The following DIPK1A variants were observed in gnomAD, a reference collection of about 807,000 sequenced individuals.
DIPK1A encodes the protein divergent protein kinase domain 1A, also known as family with sequence similarity 69 member A.
A neutral mutation model predicts 40.8 loss-of-function variants in DIPK1A; 27 were observed. That is an observed-to-expected ratio of 0.66 (90% CI 0.49 to 0.91). The LOEUF is 0.91. Ranked by LOEUF, DIPK1A falls within the 40% of genes least tolerant of loss-of-function variation. DIPK1A has a pLI of 0.00. For synonymous variants in DIPK1A, 166 were observed against 171.3 expected, an observed-to-expected ratio of 0.97 and a Z score of 0.24; for missense variants, 412 against 505.7, an observed-to-expected ratio of 0.81 and a Z score of 1.78.
intron 1 of DIPK1A, among the ~76,000 whole-genome samples, chr1:92,924,411 C>A (rs1487676051): frequency 2.0e-5 from 3 of 151,888 alleles, no homozygotes; most frequent in Non-Finnish European, 4.4e-5. Context: ...GTGTAGCACC[C>A]AATTCTGTCG....
intron 1 of DIPK1A, among the ~76,000 whole-genome samples, chr1:92,894,957 G>A (rs922643489): frequency 6.6e-6 from 1 of 152,042 alleles, no homozygotes; most frequent in African/African-American, 2.4e-5. Flanking sequence ...AAACCAGAAA[G>A]AAGTTGAATC....
intron 1 of DIPK1A, among the ~76,000 whole-genome samples, chr1:92,952,941 T>C (rs2100914155): frequency 6.6e-6 from 1 of 152,286 alleles, no homozygotes; most frequent in South Asian, 2.1e-4. Flanking sequence ...GATACTATGC[T>C]ACATCTGAAA....
chr1:92,916,522 G>A (rs12121942), intron 1 of DIPK1A, among the ~76,000 whole-genome samples: 3 of 152,048 alleles, frequency 2.0e-5, no homozygotes, highest in South Asian at 2.1e-4. Flanking sequence ...GGCTGGTCTC[G>A]AACTCCTGAC....
chr1:92,911,440 C>T (rs992443235), intron 1 of DIPK1A, among the ~76,000 whole-genome samples: 2 of 152,036 alleles, frequency 1.3e-5, no homozygotes, highest in African/African-American at 4.8e-5. Context: ...TTATATGAGC[C>T]GCCCAATTTA....
Position 92,882,186 on chromosome 1 carries a change from G to C in DIPK1A, c.55-5756C>G, listed in dbSNP as rs147096364. Among the ~76,000 whole-genome samples the C allele has an allele frequency of 8.2e-4, 125 of 152,262 alleles. 2 individuals are homozygous for C. In the East Asian group the frequency reaches 0.022, roughly 27 times the overall value. On this transcript the variant is annotated intron_variant, in intron 1 of 4. Coordinates refer to ENST00000370310, the MANE Select transcript of DIPK1A (RefSeq NM_001006605.5). ...GCAGATCACCTGAGGTCAGGAGTTC[G>C]AGGCCAGCCTGGCCAACATGGTGAA...
At chr1:92,878,910 G>A (rs1648251103) in intron 1 of DIPK1A, among the ~76,000 whole-genome samples, 1 of 152,136 alleles carries the variant, frequency 6.6e-6, no homozygotes, top group South Asian at 2.1e-4. Context: ...AGGAGGCTGA[G>A]GCAGGAAAAC....
intron 4 of DIPK1A, among the ~76,000 whole-genome samples, chr1:92,846,790 G>GGC (rs1328502793): frequency 2.2e-4 from 7 of 32,130 alleles, no homozygotes; most frequent in African/African-American, 6.0e-4. Flanking sequence ...CACCACTCCT[G>GGC]GCATATATAT....
chr1:92,930,243 C>T (rs1164504695), intron 1 of DIPK1A, among the ~76,000 whole-genome samples: 2 of 151,816 alleles, frequency 1.3e-5, no homozygotes, highest in Non-Finnish European at 2.9e-5. Context: ...AATTGCAATT[C>T]TCTGACTCTC....
chr1:92,931,353 G>GA, intron 1 of DIPK1A: 1 of 238,394 alleles, frequency 4.2e-6, no homozygotes, highest in Non-Finnish European at 8.9e-6. Flanking sequence ...CCGTATCAAA[G>GA]AAAAAAGGAC....
At chr1:92,934,572 T>C (rs1197058369) in intron 1 of DIPK1A, among the ~76,000 whole-genome samples, 4 of 152,208 alleles carry the variant, frequency 2.6e-5, no homozygotes, top group African/African-American at 4.8e-5. Flanking sequence ...ATAGTTCAAA[T>C]GTATTTCCTG....
downstream of DIPK1A, among the ~76,000 whole-genome samples, chr1:92,839,297 T>TGCACTGAGCTGGGATC (rs1687258641): frequency 6.6e-6 from 1 of 152,178 alleles, no homozygotes; most frequent in African/African-American, 2.4e-5. Context: ...AGGTGGAGGT[T>TGCACTGAGCTGGGATC]GCACTGAGCT....
intron 1 of DIPK1A, among the ~76,000 whole-genome samples, chr1:92,899,064 G>C (rs1483966007): frequency 1.3e-5 from 2 of 152,096 alleles, no homozygotes; most frequent in Non-Finnish European, 2.9e-5. Context: ...AATTGCACTT[G>C]GCCTAAAATG....
chr1:92,911,712 A>G (rs1307156667), intron 1 of DIPK1A, among the ~76,000 whole-genome samples: 1 of 152,150 alleles, frequency 6.6e-6, no homozygotes, highest in East Asian at 1.9e-4. Flanking sequence ...TGAAAGTTAC[A>G]TGTTTAGGCC....
At chr1:92,908,458 G>T (rs1649710071) in intron 1 of DIPK1A, among the ~76,000 whole-genome samples, 1 of 152,190 alleles carries the variant, frequency 6.6e-6, no homozygotes, top group Non-Finnish European at 1.5e-5. Flanking sequence ...AGTGGTCAAT[G>T]GTGTCAAAGG....
intron 1 of DIPK1A, among the ~76,000 whole-genome samples, chr1:92,960,152 A>C (rs2100930490): frequency 6.6e-6 from 1 of 151,924 alleles, no homozygotes. Context: ...TCAAGTGCAC[A>C]ATTACTATTG....
At chr1:92,886,966 CT>C (rs1648628534) in intron 1 of DIPK1A, among the ~76,000 whole-genome samples, 1 of 152,058 alleles carries the variant, frequency 6.6e-6, no homozygotes, top group Admixed American at 6.6e-5. Flanking sequence ...TATTTACTAT[CT>C]GGCTCTTTAC....
chr1:92,835,500 GAAAA>G (rs560861965), intron 4 of DIPK1A, among the ~76,000 whole-genome samples: 63 of 129,274 alleles, frequency 4.9e-4, no homozygotes, highest in African/African-American at 1.5e-3. Context: ...TAAAAAAGTA[GAAAA>G]AAAAAAAAAG....
rs1383056155 is a variant in DIPK1A at position 92,843,833 on chromosome 1, C to T, written c.837G>A (p.Val279=). 9 of 1,551,724 alleles carry T rather than the reference C, an allele frequency of 5.8e-6. No homozygotes were observed. The highest frequency in any genetic ancestry group is 7.8e-6 in the Non-Finnish European group (9 of 1,147,058). The change falls in exon 5 of 5, where the codon GTG becomes GTA. Residue 279 remains valine (V), a synonymous_variant. Coordinates refer to ENST00000370310, the MANE Select transcript of DIPK1A (RefSeq NM_001006605.5). The stretch of plus-strand genomic sequence containing the variant: ...CGTAGGGGCCATGGAAAACATCTTC[C>T]ACAAATTCTAGAAGTCCTATGGCTA... ...AKIAIGLLEF[V]EDVFHGPYGN... is the part of the protein sequence containing the mutation.
intron 2 of DIPK1A, among the ~76,000 whole-genome samples, chr1:92,862,275 A>C (rs1647316084): frequency 6.6e-6 from 1 of 152,080 alleles, no homozygotes; most frequent in Non-Finnish European, 1.5e-5. Flanking sequence ...ATTCACACTC[A>C]ATCTATCAAA....
Sources: allele counts gnomAD v4.1 joint callset (sites outside exome capture counted in the v4.1 genomes callset), GRCh38; gene constraint gnomAD v4.1.1; transcripts MANE v1.5; gene names NCBI Gene and HGNC (gene_info 2026-07-23, HGNC 2026-07-21).